KCNQ3: variants seen among roughly 807,000 people sequenced by gnomAD.
The protein encoded by KCNQ3 is potassium voltage-gated channel subfamily Q member 3, also known as potassium voltage-gated channel subfamily KQT member 3.
A neutral mutation model predicts 92.5 loss-of-function variants in KCNQ3; 30 were observed. The observed-to-expected ratio is 0.32, with a 90% CI of 0.24 to 0.44. KCNQ3 has a LOEUF of 0.44. KCNQ3 is among the 20% of genes least tolerant of loss of function. The pLI is 1.00. For synonymous variants in KCNQ3, 450 were observed against 468.8 expected (o/e 0.96, Z 0.52); for missense variants, 913 against 1,140.3 (o/e 0.80, Z 2.87).
chr8:132,152,625 C>G (rs888218702), intron 9 of KCNQ3, among the ~76,000 whole-genome samples: 1 of 152,084 alleles, frequency 6.6e-6, no homozygotes, highest in African/African-American at 2.4e-5. Flanking sequence ...CAATACAAGC[C>G]CCTTGGAAAA....
chr8:132,471,836 C>G (rs2130867071), intron 1 of KCNQ3, among the ~76,000 whole-genome samples: 1 of 152,034 alleles, frequency 6.6e-6, no homozygotes, highest in South Asian at 2.1e-4. Flanking sequence ...AAGAGACAAC[C>G]CCTTAAATGG....
chr8:132,295,622 T>A (rs748488444), intron 1 of KCNQ3, among the ~76,000 whole-genome samples: 2 of 152,104 alleles, frequency 1.3e-5, no homozygotes, highest in Non-Finnish European at 2.9e-5. Flanking sequence ...AGCAAAGACA[T>A]GGAATAAGCC....
At chr8:132,237,922 C>G (rs890129450) in intron 1 of KCNQ3, among the ~76,000 whole-genome samples, 6 of 152,156 alleles carry the variant, frequency 3.9e-5, no homozygotes, top group African/African-American at 1.4e-4. Context: ...ACCATCATCT[C>G]GGACAAATAC....
At chr8:132,166,995 T>C (rs557348154) in intron 8 of KCNQ3, among the ~76,000 whole-genome samples, 3 of 152,292 alleles carry the variant, frequency 2.0e-5, no homozygotes, top group East Asian at 1.9e-4. Flanking sequence ...AGCAGCATTA[T>C]TCACAAAAGC....
chr8:132,132,700 A>G (rs2130928789), intron 13 of KCNQ3, among the ~76,000 whole-genome samples: 1 of 152,338 alleles, frequency 6.6e-6, no homozygotes, highest in South Asian at 2.1e-4. Context: ...CAGTGGGTAT[A>G]AATATTTCAT....
At position 132,358,704 on chromosome 8, in the gene KCNQ3, A is replaced by T. The variant is rs1338823652; in HGVS notation, c.386+121443T>A. 2.0e-5 allele frequency among the ~76,000 whole-genome samples: 3 copies of T among 149,336 alleles called. No homozygotes were observed. In the East Asian group the frequency reaches 5.9e-4, roughly 29 times the overall value. ...TTCACGTGGAATTCAAATATGGGCAATATCAGGGGGTCTTCATTTGGGGTC... is the reference window on the plus strand; with the variant it reads ...TTCACGTGGAATTCAAATATGGGCATTATCAGGGGGTCTTCATTTGGGGTC... On this transcript the variant is annotated intron_variant, in intron 1 of 14. Transcript: ENST00000388996.
In KCNQ3 at chr8:132,378,846, G is replaced by C. The variant is rs185669672; in HGVS notation, c.386+101301C>G. Reference sequence around the variant, plus strand: ...GCAAAACACTTCTAGGCTTGCAAAAGAGACTTCCAATAAGAAATACTTTTT... The same window carrying C: ...GCAAAACACTTCTAGGCTTGCAAAACAGACTTCCAATAAGAAATACTTTTT... On this transcript the variant is annotated intron_variant, in intron 1 of 14. Coordinates refer to ENST00000388996, the MANE Select transcript of KCNQ3 (RefSeq NM_004519.4). Among the ~76,000 whole-genome samples the C allele has an allele frequency of 5.4e-4, 83 of 152,320 alleles. 1 individual carries two copies. Among genetic ancestry groups the C allele is most frequent in the African/African-American group, 2.0e-3 (83 of 41,564 alleles).
At chr8:132,351,446 G>A (rs146632633) in intron 1 of KCNQ3, among the ~76,000 whole-genome samples, 69 of 152,208 alleles carry the variant, frequency 4.5e-4, no homozygotes, top group African/African-American at 1.6e-3. Context: ...TAATTTCTAC[G>A]AAAGTCAACC....
At chr8:132,251,375 G>T (rs1295549559) in intron 1 of KCNQ3, among the ~76,000 whole-genome samples, 2 of 152,224 alleles carry the variant, frequency 1.3e-5, no homozygotes, top group Non-Finnish European at 2.9e-5. Context: ...GCTGTAAAAA[G>T]ATCCATTCAC....
intron 5 of KCNQ3, 58 bp from the exon 6 acceptor site, chr8:132,174,407 G>T: frequency 1.6e-6 from 2 of 1,281,944 alleles, no homozygotes; most frequent in Non-Finnish European, 2.2e-6. Context: ...TCAGGAACGT[G>T]TTAACTGAGC....
intron 1 of KCNQ3, among the ~76,000 whole-genome samples, chr8:132,402,913 G>C (rs1820376246): frequency 6.6e-6 from 1 of 150,474 alleles, no homozygotes; most frequent in East Asian, 2.0e-4. Context: ...GCTTACTCAG[G>C]AGGCTGAGGC....
intron 1 of KCNQ3, among the ~76,000 whole-genome samples, chr8:132,336,030 G>T (rs1026865728): frequency 6.6e-6 from 1 of 152,192 alleles, no homozygotes; most frequent in Admixed American, 6.5e-5. Flanking sequence ...CTCAAGTGTA[G>T]AAGGGAGCTG....
intron 1 of KCNQ3, among the ~76,000 whole-genome samples, chr8:132,231,912 C>T (rs1314425096): frequency 2.0e-5 from 3 of 152,160 alleles, no homozygotes; most frequent in Admixed American, 2.0e-4. Context: ...TAGAAATGTG[C>T]ATTGATTGAG....
intron 1 of KCNQ3, among the ~76,000 whole-genome samples, chr8:132,419,926 T>C (rs1423095009): frequency 6.6e-6 from 1 of 152,164 alleles, no homozygotes; most frequent in African/African-American, 2.4e-5. Context: ...CACTCCCACG[T>C]TGGAATACAT....
chr8:132,241,154 G>T (rs551757766), intron 1 of KCNQ3, among the ~76,000 whole-genome samples: 1 of 152,072 alleles, frequency 6.6e-6, no homozygotes, highest in Non-Finnish European at 1.5e-5. Context: ...CTTCCAAAGT[G>T]CTGAGATTAC....
chr8:132,161,665 G>GA (rs148956267), intron 9 of KCNQ3, among the ~76,000 whole-genome samples: 90 of 147,844 alleles, frequency 6.1e-4, no homozygotes, highest in African/African-American at 1.4e-3. Flanking sequence ...AAAAGAAAAA[G>GA]AAAAAAAAAA....
At position 132,387,323 on chromosome 8, in the gene KCNQ3, A is replaced by C. The variant is rs200401680; in HGVS notation, c.386+92824T>G. Among the ~76,000 whole-genome samples the C allele has an allele frequency of 2.6e-5, 4 of 152,242 alleles. No individual in the cohort carries two copies. The East Asian group carries it at 7.7e-4, about 29-fold the overall frequency. On this transcript the variant is annotated intron_variant, in intron 1 of 14. Coordinates refer to ENST00000388996, the MANE Select transcript of KCNQ3 (RefSeq NM_004519.4). ...AGGAAAAATTTATAAAATCACCTTA[A>C]TAGATATCTAACTGGTAATTAATCA...
chr8:132,364,291 G>A (rs1415329543), intron 1 of KCNQ3, among the ~76,000 whole-genome samples: 1 of 152,216 alleles, frequency 6.6e-6, no homozygotes, highest in African/African-American at 2.4e-5. Context: ...CTTTCAGTGG[G>A]GGTAGGGAGT....
At position 132,480,744 on chromosome 8, in the gene KCNQ3, A is replaced by C; in HGVS notation, c.-212T>G. On this transcript the variant is annotated 5_prime_UTR_variant, in exon 1 of 15. The change abolishes an upstream ATG in the 5' untranslated region. Transcript: ENST00000388996. The stretch of plus-strand genomic sequence containing the variant: ...GCCAGGCAGGGGGTCAGGGGGTCAC[A>C]TCCCGCGCGGGTCAGCCGCAGGACC... 5 of 281,960 alleles carry C rather than the reference A, an allele frequency of 1.8e-5. No homozygotes were observed. Among genetic ancestry groups the C allele is most frequent in the Non-Finnish European group, 1.6e-5 (3 of 189,726 alleles). 17.5% of individuals were successfully genotyped at this position (281,960 alleles called of 1,614,324 possible).
Sources: gnomAD v4.1 joint callset for allele counts (sites outside exome capture counted in the v4.1 genomes callset) on GRCh38, gnomAD v4.1.1 for gene constraint, MANE v1.5 for transcripts, NCBI Gene and HGNC (gene_info 2026-07-23, HGNC 2026-07-21) for gene names.